HLTF: variants seen among roughly 807,000 people sequenced by gnomAD.
The protein encoded by HLTF is helicase like transcription factor.
HLTF carries 127 observed loss-of-function variants against 129.4 expected under a neutral mutation model. The observed-to-expected ratio is 0.98, with a 90% CI of 0.85 to 1.14. The LOEUF (loss-of-function observed/expected upper bound fraction) is 1.14. HLTF is among the 50% of genes most tolerant of loss of function. The pLI, the probability that HLTF is intolerant of heterozygous loss-of-function variation, is 0.00. For missense variants in HLTF, 1,139 were observed against 1,187.1 expected, an observed-to-expected ratio of 0.96 and a Z score of 0.60; for synonymous variants, 332 against 388.8, an observed-to-expected ratio of 0.85 and a Z score of 1.72.
chr3:149,060,645 TTCG>T lies in HLTF; in HGVS notation c.1280_1282del (p.Ala427_Lys428delinsGlu). ...ATGGGTATATAGTATACACATACCT[TTCG>T]CCCTGCCTTTAGTTTCAGACTGTAC... On this transcript the variant is annotated inframe_deletion, in exon 12 of 25. Coordinates refer to ENST00000310053, the MANE Select transcript of HLTF (RefSeq NM_003071.4). 6.2e-7 allele frequency: 1 copy of T among 1,610,566 alleles called. No homozygotes were observed.
chr3:149,043,361 T>C (rs1716283425), intron 18 of HLTF, among the ~76,000 whole-genome samples: 1 of 151,382 alleles, frequency 6.6e-6, no homozygotes, highest in African/African-American at 2.4e-5. Flanking sequence ...AATAAAATGA[T>C]ACCTATGGAA....
rs747714841 is a variant in HLTF, at chr3:149,048,903, A to G, written c.1716T>C (p.Ala572=). The G allele has an allele frequency of 6.2e-7, 1 of 1,613,624 alleles. No homozygotes were observed. The highest frequency in any genetic ancestry group is 1.1e-5 in the South Asian group (1 of 91,074). The part of the protein sequence containing the change: ...IRNPNAQQTK[A]VLDLESERRW... ...TTCTTTCTGATTCTAAGTCAAGTACAGCTTTTGTCTGCTGAGCATTTGGAT... is the reference window on the plus strand; with the variant it reads ...TTCTTTCTGATTCTAAGTCAAGTACGGCTTTTGTCTGCTGAGCATTTGGAT... Residue 572 remains alanine, a synonymous_variant, in exon 16 of 25, where the codon GCT becomes GCC. Coordinates refer to ENST00000310053, the MANE Select transcript of HLTF (RefSeq NM_003071.4).
chr3:149,075,752 T>TA (rs1719291247), intron 3 of HLTF, 129 bp downstream of exon 3: 1 of 508,256 alleles, frequency 2.0e-6, no homozygotes. Flanking sequence ...AACATTTATT[T>TA]AACACGTACC....
chr3:149,082,790 A>G (rs925970448), intron 2 of HLTF, among the ~76,000 whole-genome samples: 1 of 152,254 alleles, frequency 6.6e-6, no homozygotes, highest in Non-Finnish European at 1.5e-5. Context: ...TATAAGTCCA[A>G]TATAGATGAT....
At chr3:149,032,974 AAAAC>A (rs1421840165) in intron 24 of HLTF, among the ~76,000 whole-genome samples, 33 of 143,578 alleles carry the variant, frequency 2.3e-4, no homozygotes, top group East Asian at 2.0e-4. Context: ...AAAAAAAAAA[AAAAC>A]AAAAAACTAT....
chr3:149,048,259 G>T, intron 16 of HLTF, 96 bp from the exon 17 acceptor site: 1 of 856,248 alleles, frequency 1.2e-6, no homozygotes, highest in Non-Finnish European at 1.8e-6. Context: ...TTGAAAATGG[G>T]CACTCTGTAC....
intron 4 of HLTF, among the ~76,000 whole-genome samples, chr3:149,073,910 G>A (rs1719090828): frequency 1.3e-5 from 2 of 152,002 alleles, no homozygotes. Context: ...TAAAGTCAGG[G>A]GTTTCCAGAT....
intron 2 of HLTF, among the ~76,000 whole-genome samples, chr3:149,081,320 T>C (rs753963086): frequency 5.5e-5 from 8 of 146,600 alleles, no homozygotes; most frequent in Non-Finnish European, 9.0e-5. Context: ...ACACCAGAGT[T>C]AAAAATAAAG....
At chr3:149,045,043 A>G (rs34490329) in intron 18 of HLTF, among the ~76,000 whole-genome samples, 51,202 of 151,966 alleles carry the variant, frequency 0.34, 8,672 homozygotes, top group African/African-American at 0.4. Context: ...GTTTCCTGTC[A>G]TAAAAAGTAA....
At chr3:149,038,868 G>C (rs1559854658) in intron 23 of HLTF, among the ~76,000 whole-genome samples, 181 bp downstream of exon 23, 1 of 152,162 alleles carries the variant, frequency 6.6e-6, no homozygotes, top group East Asian at 1.9e-4. Context: ...GAGGATTTCA[G>C]TAAAGTGCTT....
intron 16 of HLTF, 102 bp downstream of exon 16, chr3:149,048,761 C>G: frequency 1.3e-6 from 1 of 790,590 alleles, no homozygotes. Flanking sequence ...AATTTTGGGG[C>G]AGAATTTACA....
intron 20 of HLTF, 36 bp downstream of exon 20, chr3:149,041,454 A>G: frequency 2.0e-6 from 3 of 1,497,726 alleles, no homozygotes; most frequent in Non-Finnish European, 2.7e-6. Flanking sequence ...ACACTACTCT[A>G]TCAAACACTG....
Position 149,071,302 on chromosome 3 carries a change from C to A in HLTF, c.844G>T (p.Asp282Tyr), listed in dbSNP as rs756113953. The change falls in exon 7 of 25, where the codon GAC becomes TAC. Residue 282 changes from aspartate (D) to tyrosine (Y), a missense_variant. By Grantham distance (160) the Asp-to-Tyr change is radical (BLOSUM62 -3). Coordinates refer to ENST00000310053, the MANE Select transcript of HLTF (RefSeq NM_003071.4). Reference protein sequence around the residue: ...YNTITNFSEKDRPENVHGGIL... With the variant: ...YNTITNFSEKYRPENVHGGIL... ...CCTCCATGGACATTTTCTGGTCGGT[C>A]CTTCTCAGAAAAATTTGTTATTGTG... 6.2e-7 allele frequency: 1 copy of A among 1,609,854 alleles called. No homozygotes were observed. Among genetic ancestry groups the A allele is most frequent in the Admixed American group, 1.7e-5 (1 of 59,504 alleles).
At position 149,059,812 on chromosome 3, in the gene HLTF, T is replaced by A. The variant is rs780260595; in HGVS notation, c.1286-5A>T. 1.9e-6 allele frequency: 3 copies of A among 1,578,208 alleles called. No individual in the cohort carries two copies. The Admixed American group carries it at 5.4e-5, about 28-fold the overall frequency. ...CTATAACCTTAGAAGATCCTGCTGATAAAACAACAAAGAATCTTAAATTTT... is the reference window on the plus strand; with the variant it reads ...CTATAACCTTAGAAGATCCTGCTGAAAAAACAACAAAGAATCTTAAATTTT... On this transcript the variant is annotated splice_region_variant and splice_polypyrimidine_tract_variant and intron_variant, in intron 12 of 24. Coordinates refer to ENST00000310053, the MANE Select transcript of HLTF (RefSeq NM_003071.4).
chr3:149,065,922 G>A (rs1157085364), intron 8 of HLTF, among the ~76,000 whole-genome samples: 1 of 151,930 alleles, frequency 6.6e-6, no homozygotes, highest in Non-Finnish European at 1.5e-5. Flanking sequence ...AGAAAGAGAT[G>A]GTAAAAATGC....
At chr3:149,067,175 C>T in intron 8 of HLTF, among the ~76,000 whole-genome samples, 1 of 150,842 alleles carries the variant, frequency 6.6e-6, no homozygotes, top group South Asian at 2.1e-4. Flanking sequence ...ATATTATATA[C>T]ATATATATAT....
At chr3:149,081,517 A>G (rs1227728241) in intron 2 of HLTF, among the ~76,000 whole-genome samples, 1 of 152,184 alleles carries the variant, frequency 6.6e-6, no homozygotes, top group Non-Finnish European at 1.5e-5. Flanking sequence ...CACAATCATT[A>G]AGAAAAATTC....
At chr3:149,050,003 G>T (rs59371274) in intron 15 of HLTF, among the ~76,000 whole-genome samples, 7 of 151,446 alleles carry the variant, frequency 4.6e-5, no homozygotes, top group Admixed American at 4.6e-4. Context: ...GAGGGAGGGG[G>T]AGGGGAGGAG....
Position 149,074,361 on chromosome 3 carries a change from G to A in HLTF, c.396-13C>T, listed in dbSNP as rs1343234363. 5 of 1,582,598 alleles carry A rather than the reference G, an allele frequency of 3.2e-6. No individual in the cohort carries two copies. The highest frequency in any genetic ancestry group is 4.3e-6 in the Non-Finnish European group (5 of 1,167,494). Reference sequence around the variant, plus strand: ...AAAAGGAACTACCCTATTATATTTGGGAGAAAAAGAAAGGGAAATCAGAAG... The same window carrying A: ...AAAAGGAACTACCCTATTATATTTGAGAGAAAAAGAAAGGGAAATCAGAAG... On this transcript the variant is annotated splice_polypyrimidine_tract_variant and intron_variant, in intron 3 of 24. Coordinates refer to ENST00000310053, the MANE Select transcript of HLTF (RefSeq NM_003071.4).
Sources: allele counts gnomAD v4.1 joint callset (sites outside exome capture counted in the v4.1 genomes callset), GRCh38; gene constraint gnomAD v4.1.1; transcripts MANE v1.5; gene names NCBI Gene and HGNC (gene_info 2026-07-23, HGNC 2026-07-21).